Variants in SCNN1D observed in about 807,000 individuals in gnomAD.
The protein encoded by SCNN1D is sodium channel epithelial 1 subunit delta.
In SCNN1D, 104 loss-of-function variants were observed where a neutral mutation model predicts 87.8. The ratio of observed to expected loss-of-function variants is 1.18; its 90% CI spans 1.01 to 1.39. The LOEUF (loss-of-function observed/expected upper bound fraction) is 1.39. Ranked by LOEUF, SCNN1D falls within the 40% of genes most tolerant of loss-of-function variation. The probability of loss-of-function intolerance (pLI) is 0.00; values close to 1 mark genes in which losing one functional copy is unlikely to be tolerated. For missense variants in SCNN1D, 1,324 were observed against 1,093.9 expected, an observed-to-expected ratio of 1.21 and a Z score of -2.97; for synonymous variants, 628 against 481.2, an observed-to-expected ratio of 1.31 and a Z score of -3.99.
chr1:1,290,917 G>A lies in SCNN1D; in HGVS notation c.1940G>A (p.Gly647Asp). ...KSAGWTLATL[G>D]EQGLPHQSHR... ...CAGGGATGGACTCTGGCCACGCTAGGTGAACAGGGGCTGCCGCATCAGAGC... is the reference window on the plus strand; with the variant it reads ...CAGGGATGGACTCTGGCCACGCTAGATGAACAGGGGCTGCCGCATCAGAGC... Residue 647 changes from glycine (G) to aspartate (D), a missense_variant, in exon 16 of 18, where the codon GGT (glycine) becomes GAT (aspartate). Coordinates refer to ENST00000379116, the MANE Select transcript of SCNN1D (RefSeq NM_001130413.4). The A allele has an allele frequency of 6.2e-7, 1 of 1,610,088 alleles. No homozygotes were observed. The highest frequency in any genetic ancestry group is 8.5e-7 in the Non-Finnish European group (1 of 1,178,930).
In SCNN1D at chr1:1,286,361, C is replaced by T. The variant is rs1044712260; in HGVS notation, c.911+83C>T. On this transcript the variant is annotated intron_variant, in intron 7 of 17. Transcript: ENST00000379116. ...CCGTCTCTAACCGAAGCCCCACTGG[C>T]CCCTGTAGCCGAGGAGGGGGCTCTG... 8 of 1,131,022 alleles carry T rather than the reference C, an allele frequency of 7.1e-6. No individual in the cohort carries two copies. In the African/African-American group the frequency reaches 1.1e-4, roughly 15 times the overall value. 70.1% of individuals were successfully genotyped at this position (1,131,022 alleles called of 1,614,324 possible).
intron 12 of SCNN1D, among the ~76,000 whole-genome samples, chr1:1,290,050 T>C (rs868397485): frequency 2.0e-3 from 74 of 36,842 alleles, no homozygotes; most frequent in Admixed American, 2.9e-3. Context: ...GTGTCCCTGC[T>C]CCGTCCCGTG....
In SCNN1D at chr1:1,288,302, TGCTCCGTCCCGTGTCC is replaced by T. The variant is rs1255921235; in HGVS notation, c.1662+266_1662+281del. ...CCGAGTCTCTGCTCCGTCCCGTGTC[TGCTCCGTCCCGTGTCC>T]CTGCTCCGTCCCGTGTCTCTGCCCC... On this transcript the variant is annotated intron_variant, in intron 12 of 17. Coordinates refer to ENST00000379116, the MANE Select transcript of SCNN1D (RefSeq NM_001130413.4). 3.8e-3 allele frequency among the ~76,000 whole-genome samples: 304 copies of T among 79,226 alleles called. 26 individuals carry two copies. In the East Asian group the frequency reaches 0.055, roughly 14 times the overall value. The allele number at this position is 79,226 out of a possible 152,430, so 52.0% of individuals were successfully genotyped here. A position where few individuals can be genotyped will look rare whatever the true frequency, so the allele number is the denominator to read the frequency against.
rs145863359 is a variant in SCNN1D, at chr1:1,286,801, G to A, written c.945G>A (p.Leu315=). ...PSPVLRHLEL[L]DEFARENIDS... is the part of the protein sequence containing the mutation. Reference sequence around the variant, plus strand: ...CGGTCCTCCGCCATCTGGAGCTGCTGGACGAGTTTGCCAGGGAGAACATTG... The same window carrying A: ...CGGTCCTCCGCCATCTGGAGCTGCTAGACGAGTTTGCCAGGGAGAACATTG... Residue 315 remains leucine (L), a synonymous_variant, in exon 8 of 18, where the codon CTG becomes CTA. Coordinates refer to ENST00000379116, the MANE Select transcript of SCNN1D (RefSeq NM_001130413.4). The A allele has an allele frequency of 1.6e-5, 25 of 1,612,560 alleles. No individual in the cohort carries two copies. Among genetic ancestry groups the A allele is most frequent in the Middle Eastern group, 1.6e-4 (1 of 6,084 alleles).
At chr1:1,283,977 G>C (rs988852365), upstream of SCNN1D, 5 of 1,456,388 alleles carry the variant, frequency 3.4e-6, no homozygotes, top group Admixed American at 1.1e-4. Flanking sequence ...GTTTTAAATA[G>C]GAGGCCAGAG....
rs1640648423 is a variant in SCNN1D at position 1,288,132 on chromosome 1, C to T, written c.1662+95C>T. On this transcript the variant is annotated intron_variant, in intron 12 of 17. Coordinates refer to ENST00000379116, the MANE Select transcript of SCNN1D (RefSeq NM_001130413.4). ...AACGGGGGAGGGGTCTGGGAGAGTA[C>T]TAGAGGGCCTGGGAACGGGGCAGTC... 8 of 921,916 alleles carry T rather than the reference C, an allele frequency of 8.7e-6. No homozygotes were observed. In the South Asian group the frequency reaches 1.0e-4, roughly 12 times the overall value. The allele number at this position is 921,916 out of a possible 1,614,324, so 57.1% of individuals were successfully genotyped here.
chr1:1,283,031 C>T (rs188709318), intron 4 of SCNN1D, among the ~76,000 whole-genome samples: 15 of 152,130 alleles, frequency 9.9e-5, no homozygotes, highest in African/African-American at 2.4e-4. Flanking sequence ...AGATTACAGG[C>T]GTGAGCCACC....
In SCNN1D at chr1:1,280,971, G is replaced by A. The variant is rs1310471193; in HGVS notation, c.6-255G>A. ...CTGGACAGTGCAGTTGATGCCCGGG[G>A]CCGAGGGGGCTCTGCCTGGGAGGCT... On this transcript the variant is annotated intron_variant, in intron 1 of 17. Transcript: ENST00000379116. 3 of 590,626 alleles carry A rather than the reference G, an allele frequency of 5.1e-6. No individual in the cohort carries two copies. The African/African-American group carries it at 5.6e-5, about 11-fold the overall frequency. 36.6% of individuals were successfully genotyped at this position (590,626 alleles called of 1,614,324 possible).
chr1:1,291,090 G>C lies in SCNN1D; in HGVS notation c.2002G>C (p.Val668Leu). The C allele has an allele frequency of 6.2e-7, 1 of 1,612,050 alleles. No individual in the cohort carries two copies. Among genetic ancestry groups the C allele is most frequent in the Non-Finnish European group, 8.5e-7 (1 of 1,179,772 alleles). Residue 668 changes from valine to leucine, a missense_variant, in exon 17 of 18, where the codon GTC becomes CTC. Val to Leu is a conservative substitution (Grantham distance 32). Coordinates refer to ENST00000379116, the MANE Select transcript of SCNN1D (RefSeq NM_001130413.4). ...QRSSLAKINI[V>L]YQELNYRSVE... ...GAGCAGCCTGGCCAAAATCAACATC[G>C]TCTACCAGGAGCTCAACTACCGCTC...
At position 1,282,318 on chromosome 1, in the gene SCNN1D, A is replaced by C. The variant is rs1640486037; in HGVS notation, c.351+3A>C. The stretch of plus-strand genomic sequence containing the variant: ...CTGCTTCCTTCCAGAGCCGGCAGGC[A>C]GGTGACCTCACCCTCCTCAGAGCCA... On this transcript the variant is annotated splice_donor_region_variant and intron_variant, in intron 4 of 17. Coordinates refer to ENST00000379116, the MANE Select transcript of SCNN1D (RefSeq NM_001130413.4). 1 of 1,549,984 alleles carries C rather than the reference A, an allele frequency of 6.5e-7. No homozygotes were observed. The highest frequency in any genetic ancestry group is 2.0e-5 in the Admixed American group (1 of 50,982).
chr1:1,286,251 T>C lies in SCNN1D; in HGVS notation c.884T>C (p.Val295Ala). The C allele has an allele frequency of 6.3e-7, 1 of 1,590,464 alleles. No homozygotes were observed. The highest frequency in any genetic ancestry group is 1.3e-5 in the African/African-American group (1 of 74,822). Residue 295 changes from valine (V) to alanine (A), a missense_variant, in exon 7 of 18, where the codon GTC becomes GCC. Coordinates refer to ENST00000379116, the MANE Select transcript of SCNN1D (RefSeq NM_001130413.4). The part of the protein sequence containing the change: ...VHSERKLLPL[V>A]TLCDGNPRRP... ...TCGGAGCGCAAGCTGCTCCCGCTGG[T>C]CACCCTGTGTGACGGGAACCCACGT...
intron 12 of SCNN1D, among the ~76,000 whole-genome samples, chr1:1,288,309 T>TCC (rs202231674): frequency 5.0e-5 from 3 of 59,742 alleles, no homozygotes; most frequent in Non-Finnish European, 5.0e-5. Flanking sequence ...GTCTGCTCCG[T>TCC]CCCGTGTCCC....
chr1:1,288,085 G>C, intron 12 of SCNN1D, 48 bp downstream of exon 12: 2 of 758,304 alleles, frequency 2.6e-6, no homozygotes, highest in South Asian at 1.7e-5. Flanking sequence ...GGCTGGGCTG[G>C]CCAGGGGGTG....
chr1:1,287,730 T>G lies in SCNN1D; in HGVS notation c.1457T>G (p.Leu486Arg). The G allele has an allele frequency of 6.2e-7, 1 of 1,609,218 alleles. No homozygotes were observed. The highest frequency in any genetic ancestry group is 8.5e-7 in the Non-Finnish European group (1 of 1,178,370). Reference sequence around the variant, plus strand: ...CCTCACCTCCCTCTGCTGTCCACGCTGGCCGGCATCAGGGTCATGGTTCAC... The same window carrying G: ...CCTCACCTCCCTCTGCTGTCCACGCGGGCCGGCATCAGGGTCATGGTTCAC... ...QQPHLPLLST[L>R]AGIRVMVHGR... The change falls in exon 11 of 18, where the codon CTG (leucine) becomes CGG (arginine). Residue 486 changes from leucine (L) to arginine (R), a missense_variant. Coordinates refer to ENST00000379116, the MANE Select transcript of SCNN1D (RefSeq NM_001130413.4).
At chr1:1,283,185 C>T (rs528484674) in intron 4 of SCNN1D, among the ~76,000 whole-genome samples, 14 of 152,216 alleles carry the variant, frequency 9.2e-5, no homozygotes, top group African/African-American at 2.2e-4. Flanking sequence ...GCAGGGAGGG[C>T]GAGCCCCTGT....
intron 12 of SCNN1D, among the ~76,000 whole-genome samples, chr1:1,288,303 G>A (rs1482537991): frequency 3.7e-5 from 2 of 53,358 alleles, no homozygotes; most frequent in Non-Finnish European, 5.3e-5. Flanking sequence ...TCCCGTGTCT[G>A]CTCCGTCCCG....
At position 1,281,484 on chromosome 1, in the gene SCNN1D, T is replaced by G; in HGVS notation, c.151T>G (p.Cys51Gly). 6.6e-7 allele frequency: 1 copy of G among 1,526,260 alleles called. No homozygotes were observed. Among genetic ancestry groups the G allele is most frequent in the Admixed American group, 2.0e-5 (1 of 50,224 alleles). The allele number at this position is 1,526,260 out of a possible 1,614,324, so 94.5% of individuals were successfully genotyped here. Residue 51 changes from cysteine to glycine, a missense_variant, in exon 3 of 18, where the codon TGC (cysteine) becomes GGC (glycine). By Grantham distance (159) the Cys-to-Gly change is radical. Transcript: ENST00000379116. ...RELGSPHPTP[C>G]TGPARGWPRR... ...GCTGGGTTCGCCCCACCCCACCCCC[T>G]GCACCGGGCCAGCGAGGGGATGGCC...
At chr1:1,285,180 C>T (rs1299398202) in intron 5 of SCNN1D, among the ~76,000 whole-genome samples, 3 of 152,238 alleles carry the variant, frequency 2.0e-5, no homozygotes, top group Admixed American at 2.0e-4. Flanking sequence ...CCCGAAGCTT[C>T]TGGCTCGCTC....
chr1:1,282,203 A>G (rs1640483570), intron 3 of SCNN1D, 39 bp from the exon 4 acceptor site: 2 of 1,170,074 alleles, frequency 1.7e-6, no homozygotes, highest in African/African-American at 1.5e-5. Flanking sequence ...GTAACTCGGG[A>G]AGGCCACACA....
Sources: allele counts gnomAD v4.1 joint callset (sites outside exome capture counted in the v4.1 genomes callset), GRCh38; gene constraint gnomAD v4.1.1; transcripts MANE v1.5; gene names NCBI Gene and HGNC (gene_info 2026-07-23, HGNC 2026-07-21).